Variants in CCDC12 observed in about 807,000 individuals in gnomAD.
The protein encoded by CCDC12 is coiled-coil domain-containing protein 12.
In CCDC12, 28 loss-of-function variants were observed where a neutral mutation model predicts 25.7. The ratio of observed to expected loss-of-function variants is 1.09; its 90% CI spans 0.81 to 1.50. CCDC12 has a LOEUF of 1.50. CCDC12 is among the 40% of genes most tolerant of loss of function. CCDC12 has a pLI of 0.00. For missense variants in CCDC12, 198 were observed against 210.0 expected, an observed-to-expected ratio of 0.94 and a Z score of 0.35; for synonymous variants, 75 against 87.7, an observed-to-expected ratio of 0.86 and a Z score of 0.81.
At chr3:46,958,054 A>G (rs1575558216) in intron 1 of CCDC12, among the ~76,000 whole-genome samples, 1 of 152,026 alleles carries the variant, frequency 6.6e-6, no homozygotes, top group Admixed American at 6.6e-5. Context: ...AATGTAACAA[A>G]AGCCCACCAA....
At chr3:46,966,395 C>A (rs1277111695) in intron 1 of CCDC12, among the ~76,000 whole-genome samples, 1 of 152,092 alleles carries the variant, frequency 6.6e-6, no homozygotes, top group Admixed American at 6.6e-5. Flanking sequence ...CACCTATAAT[C>A]CCAGCTACTC....
upstream of CCDC12, chr3:46,979,706 C>T: frequency 3.2e-6 from 1 of 309,786 alleles, no homozygotes; most frequent in Non-Finnish European, 5.9e-6. Flanking sequence ...GGCTCTGCGC[C>T]GCGGAGGCCA....
At chr3:46,967,026 C>CT (rs1163018761) in intron 1 of CCDC12, among the ~76,000 whole-genome samples, 1 of 152,186 alleles carries the variant, frequency 6.6e-6, no homozygotes, top group Non-Finnish European at 1.5e-5. Context: ...TCTCTGTGGT[C>CT]TAAGCTCTGT....
chr3:46,969,051 T>C (rs762080661), intron 1 of CCDC12, among the ~76,000 whole-genome samples: 4 of 152,192 alleles, frequency 2.6e-5, no homozygotes, highest in Non-Finnish European at 5.9e-5. Context: ...GGCCTGGGGA[T>C]GTGGCCACAT....
chr3:46,971,959 A>C (rs6442048), intron 1 of CCDC12, among the ~76,000 whole-genome samples: 143,833 of 152,142 alleles, frequency 0.95, 68,549 homozygotes, highest in East Asian at 1. Flanking sequence ...ATACTTCCTC[A>C]CCAGACTCCC....
At chr3:46,967,601 A>T (rs867950650) in intron 1 of CCDC12, among the ~76,000 whole-genome samples, 1 of 152,144 alleles carries the variant, frequency 6.6e-6, no homozygotes, top group Non-Finnish European at 1.5e-5. Context: ...CACACACCAC[A>T]TTCCCAAGTT....
chr3:46,946,814 G>A (rs1276895892), intron 1 of CCDC12, among the ~76,000 whole-genome samples: 2 of 152,226 alleles, frequency 1.3e-5, no homozygotes, highest in South Asian at 2.1e-4. Flanking sequence ...CACTGGGGGC[G>A]GGTGTGCCGA....
At chr3:46,949,244 C>T (rs1030977418) in intron 1 of CCDC12, among the ~76,000 whole-genome samples, 3 of 152,102 alleles carry the variant, frequency 2.0e-5, no homozygotes, top group Non-Finnish European at 2.9e-5. Context: ...GGAAGTGTCA[C>T]CTTAAAGGAT....
At chr3:46,940,601 T>G (rs2107137384) in intron 2 of CCDC12, 1 of 186,758 alleles carries the variant, frequency 5.4e-6, no homozygotes, top group East Asian at 1.4e-4. Flanking sequence ...CAAAGGGCTC[T>G]GGCTAGAGGG....
chr3:46,946,818 G>A (rs933482880), intron 1 of CCDC12, among the ~76,000 whole-genome samples: 35 of 152,350 alleles, frequency 2.3e-4, no homozygotes, highest in African/African-American at 8.2e-4. Context: ...GGGGGCGGGT[G>A]TGCCGAAGCA....
At chr3:46,935,641 GATGAGTCATCC>G in intron 2 of CCDC12, among the ~76,000 whole-genome samples, 1 of 152,318 alleles carries the variant, frequency 6.6e-6, no homozygotes, top group East Asian at 1.9e-4. Flanking sequence ...CTGCCTTAGG[GATGAGTCATCC>G]ATGCCTCTAC....
At chr3:46,937,044 G>A (rs750408362) in intron 2 of CCDC12, among the ~76,000 whole-genome samples, 3 of 152,170 alleles carry the variant, frequency 2.0e-5, no homozygotes, top group East Asian at 1.9e-4. Flanking sequence ...GGTCAGGGAC[G>A]CATCAGAGAC....
chr3:46,976,549 T>C, intron 1 of CCDC12, 88 bp downstream of exon 1: 1 of 1,496,724 alleles, frequency 6.7e-7, no homozygotes, highest in East Asian at 2.5e-5. Flanking sequence ...CAGCTGTCTT[T>C]CCTTATTAGC....
At chr3:46,969,305 G>A (rs1289342616) in intron 1 of CCDC12, among the ~76,000 whole-genome samples, 1 of 152,130 alleles carries the variant, frequency 6.6e-6, no homozygotes, top group Admixed American at 6.5e-5. Flanking sequence ...TCTGCACTGT[G>A]CATTTTTTTC....
chr3:46,978,818 C>T (rs2035103809), upstream of CCDC12, among the ~76,000 whole-genome samples: 2 of 152,070 alleles, frequency 1.3e-5, no homozygotes, highest in South Asian at 4.1e-4. Flanking sequence ...CCCGTCTCTA[C>T]TAAAAATACA....
upstream of CCDC12, among the ~76,000 whole-genome samples, chr3:46,978,685 A>G (rs865789377): frequency 6.6e-6 from 1 of 151,962 alleles, no homozygotes; most frequent in Admixed American, 6.5e-5. Flanking sequence ...CAGTTTCTCC[A>G]TCTGTAAAAC....
intron 1 of CCDC12, among the ~76,000 whole-genome samples, chr3:46,963,714 T>A (rs547081367): frequency 1.0e-3 from 159 of 152,366 alleles, no homozygotes; most frequent in African/African-American, 3.6e-3. Flanking sequence ...AGCCTCGGCC[T>A]CCCGAGGTGC....
chr3:46,923,982 G>A, intron 3 of CCDC12: 1 of 284,642 alleles, frequency 3.5e-6, no homozygotes, highest in Non-Finnish European at 6.5e-6. Context: ...CATACAAAGT[G>A]AGGACTGGCT....
Position 46,972,773 on chromosome 3 carries a change from TA to T in CCDC12, c.96+3863del, listed in dbSNP as rs34559587. The stretch of plus-strand genomic sequence containing the variant: ...AACACAGTGAGACTCCTGACTCCTT[TA>T]AAAAAAAAAAAAGAAAGAAAGAAAA... On this transcript the variant is annotated intron_variant, in intron 1 of 6. Transcript: ENST00000683445. Among the ~76,000 whole-genome samples, 767 of 141,240 alleles carry T rather than the reference TA, an allele frequency of 5.4e-3. 8 individuals are homozygous for T. Among genetic ancestry groups the T allele is most frequent in the African/African-American group, 0.02 (732 of 36,818 alleles). The allele number at this position is 141,240 out of a possible 152,430, so 92.7% of individuals were successfully genotyped here.
Sources: gnomAD v4.1 joint callset for allele counts (sites outside exome capture counted in the v4.1 genomes callset) on GRCh38, gnomAD v4.1.1 for gene constraint, MANE v1.5 for transcripts, NCBI Gene and HGNC (gene_info 2026-07-23, HGNC 2026-07-21) for gene names.